The following NCOR1 variants were observed in gnomAD, a reference collection of about 807,000 sequenced individuals.
NCOR1 encodes the protein nuclear receptor corepressor 1.
Under a neutral mutation model 288.1 loss-of-function variants are expected in NCOR1, and 63 were observed. The observed-to-expected ratio is 0.22, with a 90% CI of 0.18 to 0.27. NCOR1 has a LOEUF of 0.27. Ranked by LOEUF, NCOR1 falls within the 10% of genes least tolerant of loss-of-function variation. The pLI is 1.00. For synonymous variants in NCOR1, 1,007 were observed against 1,065.9 expected (o/e 0.94, Z 1.08); for missense variants, 2,397 against 3,019.2 (o/e 0.79, Z 4.83).
Position 16,086,211 on chromosome 17 carries a change from C to T in NCOR1, c.3177+71G>A, listed in dbSNP as rs573068760. 2,805 of 1,454,264 alleles carry T rather than the reference C, an allele frequency of 1.9e-3. 4 individuals are homozygous for T. The highest frequency in any genetic ancestry group is 3.4e-3 in the South Asian group (291 of 84,620). The allele number at this position is 1,454,264 out of a possible 1,614,324, so 90.1% of individuals were successfully genotyped here. On this transcript the variant is annotated intron_variant, in intron 23 of 45. Transcript: ENST00000268712. ...TTATTACAACTCTGACAAATCAGTGCGAGGAGGGAGGACAAGTTTTAACAA... is the reference window on the plus strand; with the variant it reads ...TTATTACAACTCTGACAAATCAGTGTGAGGAGGGAGGACAAGTTTTAACAA...
intron 26 of NCOR1, among the ~76,000 whole-genome samples, chr17:16,078,928 C>A (rs2062952183): frequency 6.6e-6 from 1 of 152,176 alleles, no homozygotes. Flanking sequence ...CTGTTTTTAA[C>A]TTAACCACAA....
intron 2 of NCOR1, among the ~76,000 whole-genome samples, chr17:16,187,654 A>C (rs1208227192): frequency 6.6e-6 from 1 of 152,106 alleles, no homozygotes; most frequent in African/African-American, 2.4e-5. Context: ...CTGTAATCCC[A>C]ACACTTTGGG....
chr17:16,175,954 C>T (rs1252407664), intron 3 of NCOR1, among the ~76,000 whole-genome samples: 1 of 152,094 alleles, frequency 6.6e-6, no homozygotes, highest in Non-Finnish European at 1.5e-5. Context: ...CGGTGGTTCA[C>T]ACCTGTAATC....
chr17:16,040,898 G>T (rs763818163), intron 42 of NCOR1: 119 of 188,040 alleles, frequency 6.3e-4, no homozygotes, highest in Non-Finnish European at 1.0e-3. Context: ...AATAAAAAAA[G>T]AAGCAGTGTA....
chr17:16,040,516 A>G (rs1408000636), intron 42 of NCOR1, 22 bp from the exon 43 acceptor site: 5 of 1,607,836 alleles, frequency 3.1e-6, no homozygotes, highest in Non-Finnish European at 4.3e-6. Context: ...CAAACATTCA[A>G]GTTAATTAAG....
At chr17:16,040,754 G>A (rs1158302387) in intron 42 of NCOR1, 4 of 472,800 alleles carry the variant, frequency 8.5e-6, no homozygotes, top group East Asian at 4.7e-5. Flanking sequence ...AATAAGCTGT[G>A]TGCAGTGGTG....
chr17:16,102,722 T>C (rs965846192), intron 19 of NCOR1, among the ~76,000 whole-genome samples: 3 of 152,084 alleles, frequency 2.0e-5, no homozygotes, highest in African/African-American at 7.2e-5. Flanking sequence ...GCCTCCTGAG[T>C]AGCTGGGATT....
At chr17:16,144,805 CCT>C (rs1298904156) in intron 10 of NCOR1, among the ~76,000 whole-genome samples, 2 of 151,212 alleles carry the variant, frequency 1.3e-5, no homozygotes, top group African/African-American at 4.9e-5. Flanking sequence ...CTCCCCTCTA[CCT>C]CTCTCCTTCT....
At chr17:16,214,096 C>G (rs1215637238) in intron 1 of NCOR1, among the ~76,000 whole-genome samples, 1 of 152,168 alleles carries the variant, frequency 6.6e-6, no homozygotes. Context: ...ATTTCTCTCT[C>G]CAGTAACTTG....
At chr17:16,202,130 A>G (rs1192914755) in intron 1 of NCOR1, among the ~76,000 whole-genome samples, 1 of 150,874 alleles carries the variant, frequency 6.6e-6, no homozygotes, top group Non-Finnish European at 1.5e-5. Context: ...AGGCTGGGGC[A>G]GGAGAATCGC....
Position 16,091,893 on chromosome 17 carries a change from T to C in NCOR1, c.2986A>G (p.Thr996Ala). 1 of 1,614,206 alleles carries C rather than the reference T, an allele frequency of 6.2e-7. No homozygotes were observed. Among genetic ancestry groups the C allele is most frequent in the Non-Finnish European group, 8.5e-7 (1 of 1,180,028 alleles). Residue 996 changes from threonine (T) to alanine (A), a missense_variant, in exon 22 of 46, where the codon ACA becomes GCA. Coordinates refer to ENST00000268712, the MANE Select transcript of NCOR1 (RefSeq NM_006311.4). ...CACTCTCTGTTTGGACTCTTGGATG[T>C]GCCACATGGACTTGTAGAACTTCTA... ...ECRSSTSPCG[T>A]SKSPNREWEV...
At chr17:16,101,183 ACCACC>A in intron 20 of NCOR1, 62 bp downstream of exon 20, 3 of 1,485,662 alleles carry the variant, frequency 2.0e-6, no homozygotes, top group Admixed American at 2.2e-5. Flanking sequence ...TGCAGCCAGC[ACCACC>A]CTGTGATTCA....
chr17:16,066,732 T>G (rs1202169538), intron 32 of NCOR1, among the ~76,000 whole-genome samples: 2 of 152,236 alleles, frequency 1.3e-5, no homozygotes, highest in African/African-American at 4.8e-5. Flanking sequence ...GAAACAGTGT[T>G]GTCAAATGAC....
At chr17:16,121,319 A>G (rs371210441) in intron 15 of NCOR1, 50 bp from the exon 16 acceptor site, 228 of 1,461,418 alleles carry the variant, frequency 1.6e-4, no homozygotes, top group Non-Finnish European at 2.0e-4. Context: ...GTATACATAC[A>G]TCGAAGAAGG....
At chr17:16,211,269 T>G (rs1355064326) in intron 1 of NCOR1, among the ~76,000 whole-genome samples, 1 of 152,022 alleles carries the variant, frequency 6.6e-6, no homozygotes, top group Non-Finnish European at 1.5e-5. Flanking sequence ...ATTTATTTTT[T>G]TTTTTGAGAG....
intron 9 of NCOR1, among the ~76,000 whole-genome samples, chr17:16,148,007 GAGTTT>G (rs993246812): frequency 3.9e-5 from 6 of 152,190 alleles, no homozygotes; most frequent in African/African-American, 1.4e-4. Flanking sequence ...AGCAGAGACG[GAGTTT>G]CTCCATGTTG....
At chr17:16,214,070 G>GA (rs2092364652) in intron 1 of NCOR1, among the ~76,000 whole-genome samples, 1 of 151,854 alleles carries the variant, frequency 6.6e-6, no homozygotes, top group African/African-American at 2.4e-5. Context: ...AACAGAAAAA[G>GA]AAAAAAAGAT....
At chr17:16,197,028 G>GA (rs141228006) in intron 1 of NCOR1, among the ~76,000 whole-genome samples, 80,036 of 150,564 alleles carry the variant, frequency 0.53, 21,646 homozygotes, top group Middle Eastern at 0.62. Context: ...AAAAATAAAA[G>GA]AAAAACGTAT....
chr17:16,114,957 C>A (rs149709449), intron 18 of NCOR1, among the ~76,000 whole-genome samples: 5 of 152,308 alleles, frequency 3.3e-5, no homozygotes, highest in African/African-American at 1.2e-4. Flanking sequence ...CCCTTCTGCA[C>A]TGCCCTAGCA....
Sources: allele counts gnomAD v4.1 joint callset (sites outside exome capture counted in the v4.1 genomes callset), GRCh38; gene constraint gnomAD v4.1.1; transcripts MANE v1.5; gene names NCBI Gene and HGNC (gene_info 2026-07-23, HGNC 2026-07-21).